PAX5: variants seen among roughly 807,000 people sequenced by gnomAD.
The protein encoded by PAX5 is paired box 5.
A neutral mutation model predicts 43.7 loss-of-function variants in PAX5; 9 were observed. The ratio of observed to expected loss-of-function variants is 0.21; its 90% confidence interval spans 0.12 to 0.36. The LOEUF (loss-of-function observed/expected upper bound fraction) is 0.36. Ranked by LOEUF, PAX5 falls within the 10% of genes least tolerant of loss-of-function variation. The pLI, the probability that PAX5 is intolerant of heterozygous loss-of-function variation, is 1.00. For synonymous variants in PAX5, 228 were observed against 214.3 expected (o/e 1.06, Z -0.56); for missense variants, 383 against 532.7 (o/e 0.72, Z 2.77).
chr9:36,900,745 GTGAC>G (rs1828312568), intron 7 of PAX5, among the ~76,000 whole-genome samples: 2 of 152,150 alleles, frequency 1.3e-5, no homozygotes, highest in African/African-American at 4.8e-5. Context: ...TCTCAACTGA[GTGAC>G]TCACATCCTC....
At chr9:36,968,965 C>T (rs1256376598) in intron 5 of PAX5, among the ~76,000 whole-genome samples, 1 of 152,180 alleles carries the variant, frequency 6.6e-6, no homozygotes. Flanking sequence ...AAAGATGGCT[C>T]AGTTTTTCCT....
chr9:36,871,402 A>G (rs944367221), intron 8 of PAX5, among the ~76,000 whole-genome samples: 1 of 152,204 alleles, frequency 6.6e-6, no homozygotes, highest in African/African-American at 2.4e-5. Context: ...GTGTACGTCC[A>G]GGCTCCTCTC....
chr9:37,011,965 T>G (rs1453292268), intron 3 of PAX5, among the ~76,000 whole-genome samples: 1 of 152,144 alleles, frequency 6.6e-6, no homozygotes, highest in Non-Finnish European at 1.5e-5. Flanking sequence ...GAGCTTTGCC[T>G]TCATCTGAAA....
chr9:36,890,414 A>G (rs1428766776), intron 7 of PAX5, among the ~76,000 whole-genome samples: 2 of 152,164 alleles, frequency 1.3e-5, no homozygotes, highest in Admixed American at 6.5e-5. Context: ...ACTGGCTGGG[A>G]AAGGCAGAGC....
At chr9:36,872,516 C>A (rs1389788932) in intron 8 of PAX5, among the ~76,000 whole-genome samples, 1 of 152,146 alleles carries the variant, frequency 6.6e-6, no homozygotes, top group Non-Finnish European at 1.5e-5. Context: ...GTCTCAAGGT[C>A]ATGCTGTGAG....
Position 36,840,331 on chromosome 9 carries a change from G to A in PAX5, c.*229C>T, listed in dbSNP as rs1028333973. On this transcript the variant is annotated 3_prime_UTR_variant, in exon 10 of 10. Transcript: ENST00000358127. The stretch of plus-strand genomic sequence containing the variant: ...GGTTTGCAGAGACCCAGTGGCCATC[G>A]GGAGAAGCTCATAGATTGGCTTTTA... 10 of 608,782 alleles carry A rather than the reference G, an allele frequency of 1.6e-5. No homozygotes were observed. Among genetic ancestry groups the A allele is most frequent in the Middle Eastern group, 4.3e-4 (1 of 2,314 alleles). The allele number at this position is 608,782 out of a possible 1,614,324, so 37.7% of individuals were successfully genotyped here.
At chr9:36,955,958 A>G (rs1336793164) in intron 6 of PAX5, among the ~76,000 whole-genome samples, 3 of 152,108 alleles carry the variant, frequency 2.0e-5, no homozygotes, top group African/African-American at 7.2e-5. Flanking sequence ...GTTTATTTTT[A>G]TTGTTTTTTA....
In PAX5 at chr9:36,839,277, G is replaced by A. The variant is rs1373597270; in HGVS notation, c.*1283C>T. 1 of 233,414 alleles carries A rather than the reference G, an allele frequency of 4.3e-6. No individual in the cohort carries two copies. The highest frequency in any genetic ancestry group is 5.6e-5 in the Admixed American group (1 of 17,788). The allele number at this position is 233,414 out of a possible 1,614,324, so 14.5% of individuals were successfully genotyped here. A position where few individuals can be genotyped will look rare whatever the true frequency, so the allele number is the denominator to read the frequency against. Reference sequence around the variant, plus strand: ...TGAGTTCTCCAAGCTCCCTCTCCAAGTTCCCGTGGCCCTTGGCCGTGGCCC... The same window carrying A: ...TGAGTTCTCCAAGCTCCCTCTCCAAATTCCCGTGGCCCTTGGCCGTGGCCC... On this transcript the variant is annotated 3_prime_UTR_variant, in exon 10 of 10. Transcript: ENST00000358127.
At chr9:36,894,447 T>A (rs1213195527) in intron 7 of PAX5, among the ~76,000 whole-genome samples, 1 of 152,132 alleles carries the variant, frequency 6.6e-6, no homozygotes, top group Non-Finnish European at 1.5e-5. Flanking sequence ...CTTCTGGATT[T>A]GGGGATGTGA....
intron 5 of PAX5, among the ~76,000 whole-genome samples, chr9:36,973,817 C>T (rs563560006): frequency 6.6e-6 from 1 of 152,266 alleles, no homozygotes; most frequent in African/African-American, 2.4e-5. Context: ...ACCAGCCTGG[C>T]CAATATGGTA....
chr9:36,968,177 G>T (rs1834607255), intron 5 of PAX5, among the ~76,000 whole-genome samples: 1 of 152,220 alleles, frequency 6.6e-6, no homozygotes, highest in Non-Finnish European at 1.5e-5. Flanking sequence ...ACCAGCGTGG[G>T]TCTGCTCTCA....
intron 8 of PAX5, among the ~76,000 whole-genome samples, chr9:36,847,268 C>A (rs1301870682): frequency 6.6e-6 from 1 of 152,186 alleles, no homozygotes; most frequent in Non-Finnish European, 1.5e-5. Flanking sequence ...CCCAGGTCGT[C>A]TCACAAAATG....
Position 36,837,796 on chromosome 9 carries a change from CA to C in PAX5, c.*2763del. 1 of 233,444 alleles carries C rather than the reference CA, an allele frequency of 4.3e-6. No individual in the cohort carries two copies. The highest frequency in any genetic ancestry group is 8.5e-6 in the Non-Finnish European group (1 of 118,114). 14.5% of individuals were successfully genotyped at this position (233,444 alleles called of 1,614,324 possible). A position where few individuals can be genotyped will look rare whatever the true frequency, so the allele number is the denominator to read the frequency against. On this transcript the variant is annotated 3_prime_UTR_variant, in exon 10 of 10. Transcript: ENST00000358127. ...GGAAAGGTATGGGGGGAGCTCATTACAGGGCAAGAAGAGGAACAGGATGGGG... is the reference window on the plus strand; with the variant it reads ...GGAAAGGTATGGGGGGAGCTCATTACGGGCAAGAAGAGGAACAGGATGGGG...
rs2132194840 is a variant in PAX5, at chr9:36,966,677, C to T, written c.652G>A (p.Asp218Asn). The T allele has an allele frequency of 6.2e-7, 1 of 1,614,222 alleles. No individual in the cohort carries two copies. Among genetic ancestry groups the T allele is most frequent in the South Asian group, 1.1e-5 (1 of 91,082 alleles). The change falls in exon 6 of 10, where the codon GAC becomes AAC. Residue 218 changes from aspartate to asparagine, a missense_variant. By Grantham distance (23) the Asp-to-Asn change is conservative. Transcript: ENST00000358127. ...CCCCGCATCTGCTTCCGGAGGAAGT[C>T]TCTGCCCGGAAGCGAGTGGCCGTTC... ...VPNGHSLPGR[D>N]FLRKQMRGDL...
rs2131968638 is a variant in PAX5, at chr9:36,923,371, G to A, written c.894C>T (p.Ser298=). The A allele has an allele frequency of 6.2e-7, 1 of 1,612,774 alleles. No individual in the cohort carries two copies. Among genetic ancestry groups the A allele is most frequent in the Non-Finnish European group, 8.5e-7 (1 of 1,179,856 alleles). ...TGCCCTCACCTGTCACAATGGGGTA[G>A]GACTGCGGGCCTGGCACACTGCTCC... ...DIGSSVPGPQ[S]YPIVTGRDLA... The change falls in exon 7 of 10, where the codon TCC becomes TCT. Residue 298 remains serine (S), a synonymous_variant. Coordinates refer to ENST00000358127, the MANE Select transcript of PAX5 (RefSeq NM_016734.3).
intron 1 of PAX5, chr9:37,026,525 CT>C: frequency 7.5e-7 from 1 of 1,326,610 alleles, no homozygotes; most frequent in Non-Finnish European, 9.9e-7. Context: ...AGCTCGCCGC[CT>C]ACTTACTATG....
chr9:36,967,157 T>C (rs1247593726), intron 5 of PAX5, among the ~76,000 whole-genome samples: 1 of 152,104 alleles, frequency 6.6e-6, no homozygotes, highest in Non-Finnish European at 1.5e-5. Flanking sequence ...TTTCCCAGAG[T>C]TGAGGTCCTT....
intron 6 of PAX5, among the ~76,000 whole-genome samples, chr9:36,938,548 C>T (rs1831756403): frequency 6.6e-6 from 1 of 152,218 alleles, no homozygotes. Flanking sequence ...ATGTTCACAT[C>T]TCCCCATCCA....
At chr9:36,954,432 A>G (rs1165516897) in intron 6 of PAX5, among the ~76,000 whole-genome samples, 4 of 152,190 alleles carry the variant, frequency 2.6e-5, no homozygotes, top group Non-Finnish European at 5.9e-5. Flanking sequence ...AGAGTCTGTG[A>G]GTGGTAAACT....
Sources: gnomAD v4.1 joint callset for allele counts (sites outside exome capture counted in the v4.1 genomes callset) on GRCh38, gnomAD v4.1.1 for gene constraint, MANE v1.5 for transcripts, NCBI Gene and HGNC (gene_info 2026-07-23, HGNC 2026-07-21) for gene names.